N4BP1: variants seen among roughly 807,000 people sequenced by gnomAD.
N4BP1 encodes the protein NEDD4-binding protein 1.
N4BP1 carries 21 observed loss-of-function variants against 70.9 expected under a neutral mutation model. The ratio of observed to expected loss-of-function variants is 0.30; its 90% CI spans 0.21 to 0.43. The LOEUF (loss-of-function observed/expected upper bound fraction) is 0.43. Among genes scored for constraint, N4BP1 ranks in the 20% least tolerant of loss-of-function variants. The probability of loss-of-function intolerance (pLI) is 1.00; values close to 1 mark genes in which losing one functional copy is unlikely to be tolerated. For missense variants in N4BP1, 936 were observed against 1,069.4 expected (o/e 0.88, Z 1.74); for synonymous variants, 387 against 394.6 (o/e 0.98, Z 0.23).
At chr16:48,571,711 A>G (rs1964023287) in intron 1 of N4BP1, among the ~76,000 whole-genome samples, 2 of 152,204 alleles carry the variant, frequency 1.3e-5, no homozygotes, top group Admixed American at 1.3e-4. Flanking sequence ...GATGGCAAAA[A>G]TAAGAATCAA....
intron 1 of N4BP1, among the ~76,000 whole-genome samples, chr16:48,572,775 T>C (rs1964037223): frequency 6.6e-6 from 1 of 152,094 alleles, no homozygotes; most frequent in East Asian, 1.9e-4. Flanking sequence ...TAAATACTTA[T>C]AAAGTATTAA....
intron 1 of N4BP1, among the ~76,000 whole-genome samples, chr16:48,569,067 T>C (rs1160144787): frequency 1.3e-5 from 2 of 152,250 alleles, no homozygotes; most frequent in African/African-American, 4.8e-5. Flanking sequence ...GTATTTGGGA[T>C]TGCCTGTGGA....
At chr16:48,606,071 G>A (rs911924460) in intron 1 of N4BP1, among the ~76,000 whole-genome samples, 4 of 152,138 alleles carry the variant, frequency 2.6e-5, no homozygotes, top group African/African-American at 9.7e-5. Flanking sequence ...TCCCCTAAGA[G>A]GCAACGTGAT....
In N4BP1 at chr16:48,562,161, T is replaced by G. The variant is rs776029428; in HGVS notation, c.482A>C (p.Lys161Thr). ...QKESEVKREF[K>T]QFVEAHADNY... Reference sequence around the variant, plus strand: ...GTCTGCATGGGCTTCAACAAATTGTTTGAATTCCCTTTTCACCTCTGATTC... The same window carrying G: ...GTCTGCATGGGCTTCAACAAATTGTGTGAATTCCCTTTTCACCTCTGATTC... The change falls in exon 2 of 7, where the codon AAA becomes ACA. Residue 161 changes from lysine to threonine, a missense_variant. Lys to Thr is a moderately conservative substitution (Grantham distance 78). Coordinates refer to ENST00000262384, the MANE Select transcript of N4BP1 (RefSeq NM_153029.4). 6 of 1,613,890 alleles carry G rather than the reference T, an allele frequency of 3.7e-6. No individual in the cohort carries two copies. Among genetic ancestry groups the G allele is most frequent in the East Asian group, 2.2e-5 (1 of 44,894 alleles).
rs79402041 is a variant in N4BP1 at position 48,574,377 on chromosome 16, T to C, written c.199-11933A>G. Among the ~76,000 whole-genome samples the C allele has an allele frequency of 7.5e-3, 1,149 of 152,322 alleles. 13 individuals carry two copies. Among genetic ancestry groups the C allele is most frequent in the African/African-American group, 0.026 (1,089 of 41,580 alleles). ...AAGGAATGTCAGCAGTTATGAAATA[T>C]TGAGTAATTCATCCACAAAACAAAC... is the stretch of plus-strand genomic sequence containing the variant. On this transcript the variant is annotated intron_variant, in intron 1 of 6. Coordinates refer to ENST00000262384, the MANE Select transcript of N4BP1 (RefSeq NM_153029.4).
Position 48,561,369 on chromosome 16 carries a change from G to C in N4BP1, c.1274C>G (p.Ser425Cys). 1 of 1,613,882 alleles carries C rather than the reference G, an allele frequency of 6.2e-7. No homozygotes were observed. Among genetic ancestry groups the C allele is most frequent in the Non-Finnish European group, 8.5e-7 (1 of 1,179,866 alleles). The change falls in exon 2 of 7, where the codon TCC (serine) becomes TGC (cysteine). Residue 425 changes from serine to cysteine, a missense_variant. Transcript: ENST00000262384. ...GTGAGCCTGTGTTTTCTTTGGAGTG[G>C]AATCAGTTGTAAGCTCATTTGTGCT... ...YSSTNELTTD[S>C]TPKKTQAHTQ... is the part of the protein sequence containing the mutation.
intron 6 of N4BP1, among the ~76,000 whole-genome samples, chr16:48,543,581 C>G (rs1963542479): frequency 6.6e-6 from 1 of 152,138 alleles, no homozygotes; most frequent in African/African-American, 2.4e-5. Flanking sequence ...TGGGAGCTTT[C>G]AAAAGGTTTA....
chr16:48,589,009 G>GA (rs1320239752), intron 1 of N4BP1, among the ~76,000 whole-genome samples: 4 of 151,972 alleles, frequency 2.6e-5, no homozygotes, highest in African/African-American at 9.7e-5. Context: ...TTTTTTGCTT[G>GA]ACATATTTAC....
In N4BP1 at chr16:48,547,737, A is replaced by G. The variant is rs138818622; in HGVS notation, c.2225+270T>C. 6.5e-3 allele frequency among the ~76,000 whole-genome samples: 995 copies of G among 152,288 alleles called. 4 individuals are homozygous for G. Among genetic ancestry groups the G allele is most frequent in the Middle Eastern group, 0.024 (7 of 294 alleles). The stretch of plus-strand genomic sequence containing the variant: ...ACTGTACCTCCTGCTTCATGCAACA[A>G]AACTCTGATGCCCTAGAAGACTGCA... On this transcript the variant is annotated intron_variant, in intron 5 of 6. Transcript: ENST00000262384.
intron 1 of N4BP1, among the ~76,000 whole-genome samples, chr16:48,601,700 G>T (rs961712443): frequency 1.6e-5 from 2 of 121,696 alleles, no homozygotes; most frequent in African/African-American, 3.8e-5. Flanking sequence ...CTAAAAAAAG[G>T]TTTTTTGTGG....
chr16:48,560,295 G>A (rs1963833907), intron 2 of N4BP1, among the ~76,000 whole-genome samples: 1 of 152,102 alleles, frequency 6.6e-6, no homozygotes, highest in South Asian at 2.1e-4. Context: ...AATTGCCATT[G>A]CTCTATCCAC....
chr16:48,582,881 T>C (rs1260718780), intron 1 of N4BP1, among the ~76,000 whole-genome samples: 1 of 152,074 alleles, frequency 6.6e-6, no homozygotes, highest in Non-Finnish European at 1.5e-5. Context: ...CTCAGGAATT[T>C]GAGAACAGGC....
intron 1 of N4BP1, among the ~76,000 whole-genome samples, chr16:48,586,231 C>T (rs1367588884): frequency 1.3e-5 from 2 of 152,180 alleles, no homozygotes; most frequent in African/African-American, 4.8e-5. Flanking sequence ...TACACTGCAG[C>T]CTCAGAATGC....
chr16:48,551,042 A>C (rs765960601), intron 4 of N4BP1, among the ~76,000 whole-genome samples: 1 of 152,242 alleles, frequency 6.6e-6, no homozygotes, highest in Non-Finnish European at 1.5e-5. Flanking sequence ...AGGCTAAGTC[A>C]CTGACCAAAA....
At chr16:48,588,423 T>C (rs932203601) in intron 1 of N4BP1, among the ~76,000 whole-genome samples, 5 of 151,822 alleles carry the variant, frequency 3.3e-5, no homozygotes, top group Non-Finnish European at 7.4e-5. Flanking sequence ...GCCTCCCAAG[T>C]AGTTGGGATT....
In N4BP1 at chr16:48,561,915, G is replaced by C; in HGVS notation, c.728C>G (p.Pro243Arg). The change falls in exon 2 of 7, where the codon CCT becomes CGT. Residue 243 changes from proline to arginine, a missense_variant. Coordinates refer to ENST00000262384, the MANE Select transcript of N4BP1 (RefSeq NM_153029.4). ...QEEARNKAGT[P>R]VSELTKQMDT... The stretch of plus-strand genomic sequence containing the variant: ...CATTTGTTTTGTAAGCTCAGAAACA[G>C]GAGTCCCAGCTTTATTTCTTGCCTC... 6.2e-7 allele frequency: 1 copy of C among 1,613,924 alleles called. No homozygotes were observed. Among genetic ancestry groups the C allele is most frequent in the South Asian group, 1.1e-5 (1 of 91,082 alleles).
At chr16:48,586,737 A>G (rs1054859841) in intron 1 of N4BP1, among the ~76,000 whole-genome samples, 3 of 152,254 alleles carry the variant, frequency 2.0e-5, no homozygotes, top group African/African-American at 7.2e-5. Flanking sequence ...CCTTATAACA[A>G]GAAGGATGTT....
At chr16:48,563,672 T>C (rs961578806) in intron 1 of N4BP1, among the ~76,000 whole-genome samples, 2 of 152,216 alleles carry the variant, frequency 1.3e-5, no homozygotes, top group Non-Finnish European at 2.9e-5. Flanking sequence ...TGCTACTGAT[T>C]GAAACAGTCT....
intron 1 of N4BP1, among the ~76,000 whole-genome samples, chr16:48,566,833 T>C (rs1210013647): frequency 5.3e-5 from 8 of 152,258 alleles, no homozygotes; most frequent in Non-Finnish European, 1.2e-4. Flanking sequence ...TGTGGATTTA[T>C]CAAGTTCTCC....
Sources: gnomAD v4.1 joint callset for allele counts (sites outside exome capture counted in the v4.1 genomes callset) on GRCh38, gnomAD v4.1.1 for gene constraint, MANE v1.5 for transcripts, NCBI Gene and HGNC (gene_info 2026-07-23, HGNC 2026-07-21) for gene names.